Variants in FUT9 observed in about 807,000 individuals in gnomAD.
FUT9 encodes fucosyltransferase 9.
FUT9 carries 15 observed loss-of-function variants against 29.7 expected under a neutral mutation model. The observed-to-expected ratio is 0.51, with a 90% CI of 0.34 to 0.78. The LOEUF (loss-of-function observed/expected upper bound fraction) is 0.78, where lower values mean the gene tolerates loss of function less well. FUT9 is among the 30% of genes least tolerant of loss of function. The probability of loss-of-function intolerance (pLI) is 0.01; values close to 1 mark genes in which losing one functional copy is unlikely to be tolerated. For missense variants in FUT9, 319 were observed against 425.4 expected, an observed-to-expected ratio of 0.75 and a Z score of 2.20; for synonymous variants, 169 against 153.7, an observed-to-expected ratio of 1.10 and a Z score of -0.74.
chr6:96,151,550 G>T (rs1772676331), intron 2 of FUT9, among the ~76,000 whole-genome samples: 1 of 152,072 alleles, frequency 6.6e-6, no homozygotes, highest in Admixed American at 6.6e-5. Flanking sequence ...CTTGCTTCAG[G>T]GCACTGCAAA....
intron 1 of FUT9, among the ~76,000 whole-genome samples, chr6:96,110,569 GA>G (rs1771784447): frequency 6.6e-6 from 1 of 152,132 alleles, no homozygotes; most frequent in Non-Finnish European, 1.5e-5. Context: ...AAGCTGGGAA[GA>G]AAAAACAAGA....
At chr6:96,034,022 A>G (rs2018000126) in intron 1 of FUT9, among the ~76,000 whole-genome samples, 1 of 151,700 alleles carries the variant, frequency 6.6e-6, no homozygotes, top group African/African-American at 2.4e-5. Context: ...AAGGGAAACC[A>G]TAGGACAAAC....
intron 2 of FUT9, among the ~76,000 whole-genome samples, chr6:96,168,485 G>A (rs1773054038): frequency 6.6e-6 from 1 of 152,202 alleles, no homozygotes; most frequent in South Asian, 2.1e-4. Context: ...AGTATATGAA[G>A]GACAAGGGAA....
rs1037837183 is a variant in FUT9 at position 96,210,626 on chromosome 6, T to C, written c.*6391T>C. 1.2e-5 allele frequency: 2 copies of C among 166,942 alleles called. No individual in the cohort carries two copies. The highest frequency in any genetic ancestry group is 2.9e-5 in the Non-Finnish European group (2 of 68,042). 10.3% of individuals were successfully genotyped at this position (166,942 alleles called of 1,614,324 possible). ...TGAAAAAAATCTCTAATTTGCTTTC[T>C]AGGTTCTAACTGCATGTTTATATTT... On this transcript the variant is annotated 3_prime_UTR_variant, in exon 3 of 3. Transcript: ENST00000302103.
chr6:96,103,204 TACAC>T (rs1771618031), intron 1 of FUT9, among the ~76,000 whole-genome samples: 1 of 152,146 alleles, frequency 6.6e-6, no homozygotes, highest in Non-Finnish European at 1.5e-5. Flanking sequence ...TCAGGGCAAA[TACAC>T]ACACACAAAC....
chr6:96,205,181 T>A lies in FUT9; in HGVS notation c.*946T>A, dbSNP rs1773805362. On this transcript the variant is annotated 3_prime_UTR_variant, in exon 3 of 3. Transcript: ENST00000302103. ...AAATGGTCTTATTTTACCATATGGA[T>A]ATAAGATTTGGCTCATAATGATGAG... 6.0e-6 allele frequency: 1 copy of A among 167,026 alleles called. No individual in the cohort carries two copies. Among genetic ancestry groups the A allele is most frequent in the African/African-American group, 2.4e-5 (1 of 41,450 alleles). 10.3% of individuals were successfully genotyped at this position (167,026 alleles called of 1,614,324 possible). A position where few individuals can be genotyped will look rare whatever the true frequency, so the allele number is the denominator to read the frequency against.
In FUT9 at chr6:96,030,605, C is replaced by A. The variant is rs568734645; in HGVS notation, c.-98+14393C>A. Reference sequence around the variant, plus strand: ...AGTTAAAAATACAAATATCATATGACCCAGCAATACAATTTCTAGGTATTT... The same window carrying A: ...AGTTAAAAATACAAATATCATATGAACCAGCAATACAATTTCTAGGTATTT... On this transcript the variant is annotated intron_variant, in intron 1 of 2. Transcript: ENST00000302103. Among the ~76,000 whole-genome samples the A allele has an allele frequency of 1.4e-4, 21 of 151,502 alleles. No homozygotes were observed. The East Asian group carries it at 3.7e-3, about 27-fold the overall frequency.
chr6:96,042,643 T>C (rs1465744836), intron 1 of FUT9, among the ~76,000 whole-genome samples: 1 of 152,202 alleles, frequency 6.6e-6, no homozygotes, highest in Non-Finnish European at 1.5e-5. Flanking sequence ...ACTTGAAAGA[T>C]GGATATTCTA....
chr6:96,070,180 T>G (rs975802882), intron 1 of FUT9, among the ~76,000 whole-genome samples: 4 of 152,206 alleles, frequency 2.6e-5, no homozygotes, highest in Admixed American at 6.5e-5. Flanking sequence ...TATCCTAGTA[T>G]GTTTGATAAA....
At chr6:96,189,029 G>A (rs1262442777) in intron 2 of FUT9, among the ~76,000 whole-genome samples, 2 of 152,054 alleles carry the variant, frequency 1.3e-5, no homozygotes, top group African/African-American at 4.8e-5. Context: ...CAAATGCTGT[G>A]CAAAAATGAC....
At position 96,207,473 on chromosome 6, in the gene FUT9, G is replaced by C. The variant is rs1443429167; in HGVS notation, c.*3238G>C. 1 of 167,012 alleles carries C rather than the reference G, an allele frequency of 6.0e-6. No individual in the cohort carries two copies. Among genetic ancestry groups the C allele is most frequent in the Non-Finnish European group, 1.5e-5 (1 of 68,084 alleles). The allele number at this position is 167,012 out of a possible 1,614,324, so 10.3% of individuals were successfully genotyped here. A position where few individuals can be genotyped will look rare whatever the true frequency, so the allele number is the denominator to read the frequency against. On this transcript the variant is annotated 3_prime_UTR_variant, in exon 3 of 3. Coordinates refer to ENST00000302103, the MANE Select transcript of FUT9 (RefSeq NM_006581.4). ...AATAAATAAAACATCAAACTTGTTA[G>C]CATTCGTTCTGGTTTAAATATTTTA...
chr6:96,111,470 G>C (rs935318496), intron 1 of FUT9, among the ~76,000 whole-genome samples: 2 of 151,546 alleles, frequency 1.3e-5, no homozygotes, highest in African/African-American at 4.9e-5. Context: ...GTAATCAAAA[G>C]AGTAGCTCAA....
Position 96,016,024 on chromosome 6 carries a change from G to C in FUT9, c.-286G>C, listed in dbSNP as rs1230874804. On this transcript the variant is annotated 5_prime_UTR_variant, in exon 1 of 3. Transcript: ENST00000302103. ...CCGGAGATGGGCAGAGAGCGCGCGC[G>C]GCGCAGCAGCTCCAGATTCACTGCT... 1 of 152,026 alleles carries C rather than the reference G, an allele frequency of 6.6e-6. No individual in the cohort carries two copies. The highest frequency in any genetic ancestry group is 6.6e-5 in the Admixed American group (1 of 15,266). The allele number at this position is 152,026 out of a possible 1,614,324, so 9.4% of individuals were successfully genotyped here.
intron 2 of FUT9, among the ~76,000 whole-genome samples, chr6:96,160,737 A>G (rs967166683): frequency 6.6e-6 from 1 of 152,174 alleles, no homozygotes; most frequent in Non-Finnish European, 1.5e-5. Context: ...GATAACATGG[A>G]AAAATGAAAA....
At chr6:96,180,935 GA>G (rs5878423) in intron 2 of FUT9, among the ~76,000 whole-genome samples, 16 of 148,374 alleles carry the variant, frequency 1.1e-4, no homozygotes, top group African/African-American at 3.9e-4. Flanking sequence ...TTAAGTAAAA[GA>G]AAAAAAAAAG....
In FUT9 at chr6:96,212,000, T is replaced by C. The variant is rs1773946143; in HGVS notation, c.*7765T>C. 2.4e-6 allele frequency: 1 copy of C among 411,030 alleles called. No individual in the cohort carries two copies. Among genetic ancestry groups the C allele is most frequent in the East Asian group, 3.6e-5 (1 of 28,032 alleles). The allele number at this position is 411,030 out of a possible 1,614,324, so 25.5% of individuals were successfully genotyped here. A position where few individuals can be genotyped will look rare whatever the true frequency, so the allele number is the denominator to read the frequency against. ...AAATATAGATTTTATCTGAAAAATT[T>C]TAAGGGCCAATTCTACAGAAAGTTA... is the stretch of plus-strand genomic sequence containing the variant. On this transcript the variant is annotated 3_prime_UTR_variant, in exon 3 of 3. Transcript: ENST00000302103.
chr6:96,104,590 G>C (rs1771643813), intron 1 of FUT9, among the ~76,000 whole-genome samples: 3 of 152,184 alleles, frequency 2.0e-5, no homozygotes, highest in African/African-American at 7.2e-5. Context: ...GAGTGCAGTG[G>C]TGTGATCTCG....
In FUT9 at chr6:96,203,782, A is replaced by G; in HGVS notation, c.627A>G (p.Leu209=). Residue 209 remains leucine, a synonymous_variant, in exon 3 of 3, where the codon CTA becomes CTG. Coordinates refer to ENST00000302103, the MANE Select transcript of FUT9 (RefSeq NM_006581.4). ...EHARVKYYNE[L]SKSIEIHTYG... ...CCAGAGTCAAGTATTACAATGAGCT[A>G]AGCAAAAGCATTGAAATCCATACCT... The G allele has an allele frequency of 1.9e-6, 3 of 1,613,974 alleles. No homozygotes were observed. The highest frequency in any genetic ancestry group is 2.5e-6 in the Non-Finnish European group (3 of 1,179,888).
intron 1 of FUT9, among the ~76,000 whole-genome samples, chr6:96,089,621 G>A (rs946942396): frequency 6.6e-6 from 1 of 152,066 alleles, no homozygotes; most frequent in African/African-American, 2.4e-5. Context: ...AGTATACATC[G>A]ATCTCACCCC....
Sources: allele counts gnomAD v4.1 joint callset (sites outside exome capture counted in the v4.1 genomes callset), GRCh38; gene constraint gnomAD v4.1.1; transcripts MANE v1.5; gene names NCBI Gene and HGNC (gene_info 2026-07-23, HGNC 2026-07-21).